The following POGK variants were observed in gnomAD, a reference collection of about 807,000 sequenced individuals.
POGK encodes pogo transposable element with KRAB domain.
In POGK, 16 loss-of-function variants were observed where a neutral mutation model predicts 54.4. The ratio of observed to expected loss-of-function variants is 0.29; its 90% CI spans 0.20 to 0.45. The LOEUF is 0.45. Ranked by LOEUF, POGK falls within the 20% of genes least tolerant of loss-of-function variation. The pLI, the probability that POGK is intolerant of heterozygous loss-of-function variation, is 1.00. For synonymous variants in POGK, 271 were observed against 302.2 expected, an observed-to-expected ratio of 0.90 and a Z score of 1.07; for missense variants, 515 against 795.6, an observed-to-expected ratio of 0.65 and a Z score of 4.24.
intron 2 of POGK, among the ~76,000 whole-genome samples, chr1:166,842,532 T>C (rs532353177): frequency 6.6e-6 from 1 of 152,282 alleles, no homozygotes; most frequent in Admixed American, 6.5e-5. Context: ...AGTGCAGTGG[T>C]GGAAGTCTGC....
chr1:166,844,344 G>C (rs1657745332), intron 2 of POGK, among the ~76,000 whole-genome samples: 1 of 152,106 alleles, frequency 6.6e-6, no homozygotes. Flanking sequence ...AAATAGGTAT[G>C]ACCTAGATCT....
At chr1:166,847,231 G>C (rs1657884824) in intron 3 of POGK, among the ~76,000 whole-genome samples, 1 of 152,184 alleles carries the variant, frequency 6.6e-6, no homozygotes, top group Non-Finnish European at 1.5e-5. Context: ...AATTGGATCA[G>C]CAGCTGCATT....
chr1:166,847,547 T>C lies in POGK; in HGVS notation c.313T>C (p.Ser105Pro). 6.2e-7 allele frequency: 1 copy of C among 1,613,216 alleles called. No homozygotes were observed. The highest frequency in any genetic ancestry group is 1.3e-5 in the African/African-American group (1 of 74,758). ...CACCCGTTTGGAAGGGGAGGAGGAG[T>C]CTCAGAATTCTGACGAGTGGCAGCT... The part of the protein sequence containing the change: ...MITRLEGEEE[S>P]QNSDEWQLQG... The change falls in exon 4 of 6, where the codon TCT becomes CCT. Residue 105 changes from serine to proline, a missense_variant. This residue lies in a region of POGK where 461 missense variants were observed against 743.5 expected (regional missense o/e 0.62). Transcript: ENST00000367876.
intron 2 of POGK, 102 bp from the exon 3 acceptor site, chr1:166,846,508 TGA>T: frequency 6.8e-7 from 1 of 1,466,404 alleles, no homozygotes; most frequent in Non-Finnish European, 9.4e-7. Flanking sequence ...ACCTGACCTG[TGA>T]GAGGACAGGC....
intron 1 of POGK, chr1:166,840,469 C>G (rs1657445935): frequency 6.5e-6 from 1 of 153,136 alleles, no homozygotes; most frequent in African/African-American, 2.4e-5. Flanking sequence ...CTGAGCCAAC[C>G]GCTCCGCCCA....
intron 5 of POGK, chr1:166,852,028 C>G (rs1259881529): frequency 2.0e-5 from 3 of 152,196 alleles, no homozygotes; most frequent in African/African-American, 7.2e-5. Context: ...TACAATGGAG[C>G]AAGAAGTTCT....
rs1039724500 is a variant in POGK at position 166,854,933 on chromosome 1, C to T, written c.*2363C>T. ...TCAGCATTAAATGCTGAGCCACTCTCCAAGTCTGACCCCTAGACTAAGCTT... is the reference window on the plus strand; with the variant it reads ...TCAGCATTAAATGCTGAGCCACTCTTCAAGTCTGACCCCTAGACTAAGCTT... On this transcript the variant is annotated 3_prime_UTR_variant, in exon 6 of 6. Transcript: ENST00000367876. 9.3e-5 allele frequency: 14 copies of T among 150,778 alleles called. No individual in the cohort carries two copies. Among genetic ancestry groups the T allele is most frequent in the African/African-American group, 3.0e-4 (12 of 40,074 alleles). The allele number at this position is 150,778 out of a possible 1,614,324, so 9.3% of individuals were successfully genotyped here. A position where few individuals can be genotyped will look rare whatever the true frequency, so the allele number is the denominator to read the frequency against.
intron 5 of POGK, chr1:166,851,479 G>A (rs761951502): frequency 1.9e-4 from 29 of 152,278 alleles, no homozygotes; most frequent in Admixed American, 9.2e-4. Flanking sequence ...AAAACGGTGC[G>A]TATCTAGGAC....
At chr1:166,846,930 G>A (rs549652609) in intron 3 of POGK, among the ~76,000 whole-genome samples, 192 bp downstream of exon 3, 4 of 152,180 alleles carry the variant, frequency 2.6e-5, no homozygotes, top group South Asian at 2.1e-4. Flanking sequence ...TCGGCAATCC[G>A]TGCTGCCTCA....
In POGK at chr1:166,850,184, A is replaced by T; in HGVS notation, c.1605A>T (p.Pro535=). 2 of 1,556,992 alleles carry T rather than the reference A, an allele frequency of 1.3e-6. No homozygotes were observed. Among genetic ancestry groups the T allele is most frequent in the Non-Finnish European group, 1.7e-6 (2 of 1,149,768 alleles). Residue 535 remains proline, a synonymous_variant, in exon 5 of 6, where the codon CCA becomes CCT. Coordinates refer to ENST00000367876, the MANE Select transcript of POGK (RefSeq NM_017542.5). ...WLLAGNLALS[P]TGNAKKPPLG... ...TGGCTGGGAACCTGGCGCTGAGCCC[A>T]ACCGGGAATGCTAAGAAGCCACCCC...
At chr1:166,846,821 T>C (rs1333333059) in intron 3 of POGK, 83 bp downstream of exon 3, 1 of 1,545,122 alleles carries the variant, frequency 6.5e-7, no homozygotes, top group Non-Finnish European at 8.9e-7. Context: ...GTATATCCAA[T>C]GTCCCTCTCT....
At position 166,848,887 on chromosome 1, in the gene POGK, A is replaced by C. The variant is rs776286043; in HGVS notation, c.359-51A>C. The stretch of plus-strand genomic sequence containing the variant: ...TTCAACCCCCAAAAATCAGGGTATA[A>C]GCCATTTTACTTACTGGCATTATTT... On this transcript the variant is annotated intron_variant, in intron 4 of 5. Transcript: ENST00000367876. 2.0e-6 allele frequency: 3 copies of C among 1,534,480 alleles called. No individual in the cohort carries two copies. The South Asian group carries it at 3.9e-5, about 20-fold the overall frequency.
chr1:166,841,309 A>G (rs1455156501), intron 2 of POGK, among the ~76,000 whole-genome samples: 1 of 152,224 alleles, frequency 6.6e-6, no homozygotes. Context: ...TCATCGTTCA[A>G]TTGGAAGTCC....
chr1:166,855,939 T>A lies in POGK; in HGVS notation c.*3369T>A, dbSNP rs766076915. 3.3e-5 allele frequency: 5 copies of A among 152,254 alleles called. No homozygotes were observed. The highest frequency in any genetic ancestry group is 5.9e-5 in the Non-Finnish European group (4 of 68,052). 9.4% of individuals were successfully genotyped at this position (152,254 alleles called of 1,614,324 possible). A position where few individuals can be genotyped will look rare whatever the true frequency, so the allele number is the denominator to read the frequency against. ...AATTCTTCCAAGCCCTAAAAATTCT[T>A]ACGTAGTTTCTCACCTAAAACTAAT... is the stretch of plus-strand genomic sequence containing the variant. On this transcript the variant is annotated 3_prime_UTR_variant, in exon 6 of 6. Coordinates refer to ENST00000367876, the MANE Select transcript of POGK (RefSeq NM_017542.5).
rs915995799 is a variant in POGK at position 166,855,735 on chromosome 1, T to G, written c.*3165T>G. ...AGTTTGCAGTTTCCTCTGTGCTGTA[T>G]GTACAGCCATACAGCCTATGGAACC... is the stretch of plus-strand genomic sequence containing the variant. On this transcript the variant is annotated 3_prime_UTR_variant, in exon 6 of 6. Transcript: ENST00000367876. The G allele has an allele frequency of 2.6e-4, 40 of 152,352 alleles. No individual in the cohort carries two copies. Among genetic ancestry groups the G allele is most frequent in the African/African-American group, 9.4e-4 (39 of 41,566 alleles). 9.4% of individuals were successfully genotyped at this position (152,352 alleles called of 1,614,324 possible).
At chr1:166,839,912 G>T in intron 1 of POGK, 1 of 152,702 alleles carries the variant, frequency 6.5e-6, no homozygotes, top group South Asian at 1.8e-4. Context: ...GGGCGCGGCG[G>T]CGGTGGCGCA....
At chr1:166,847,633 A>G in intron 4 of POGK, 41 bp downstream of exon 4, 1 of 1,497,362 alleles carries the variant, frequency 6.7e-7, no homozygotes, top group Non-Finnish European at 9.3e-7. Flanking sequence ...CCAGCTGGGA[A>G]CATTGTGGAG....
In POGK at chr1:166,854,550, C is replaced by T. The variant is rs1480480623; in HGVS notation, c.*1980C>T. 2 of 152,198 alleles carry T rather than the reference C, an allele frequency of 1.3e-5. No individual in the cohort carries two copies. The allele number at this position is 152,198 out of a possible 1,614,324, so 9.4% of individuals were successfully genotyped here. On this transcript the variant is annotated 3_prime_UTR_variant, in exon 6 of 6. Transcript: ENST00000367876. Reference sequence around the variant, plus strand: ...CAAGGTATTGGCTACACCTTATTCTCCATCCGGTTTGGTACCAATATATTA... The same window carrying T: ...CAAGGTATTGGCTACACCTTATTCTTCATCCGGTTTGGTACCAATATATTA...
At chr1:166,840,159 C>CCA (rs1557896546) in intron 1 of POGK, 1 of 152,234 alleles carries the variant, frequency 6.6e-6, no homozygotes, top group Non-Finnish European at 1.5e-5. Context: ...ATGCAGCCCT[C>CCA]AAGATGCATC....
Sources: gnomAD v4.1 joint callset for allele counts (sites outside exome capture counted in the v4.1 genomes callset) on GRCh38, gnomAD v4.1.1 for gene constraint, gnomAD v4.1.1 regional missense constraint, MANE v1.5 for transcripts, NCBI Gene and HGNC (gene_info 2026-07-23, HGNC 2026-07-21) for gene names.